EDEM3: variants seen among roughly 807,000 people sequenced by gnomAD.
The protein encoded by EDEM3 is ER degradation-enhancing alpha-mannosidase-like protein 3.
A neutral mutation model predicts 110.2 loss-of-function variants in EDEM3; 60 were observed. That is an observed-to-expected ratio of 0.54 (90% CI 0.44 to 0.67). The LOEUF is 0.67. Ranked by LOEUF, EDEM3 falls within the 30% of genes least tolerant of loss-of-function variation. The probability of loss-of-function intolerance (pLI) is 0.00; values close to 1 mark genes in which losing one functional copy is unlikely to be tolerated. For missense variants in EDEM3, 996 were observed against 1,121.0 expected (o/e 0.89, Z 1.59); for synonymous variants, 352 against 382.9 (o/e 0.92, Z 0.94).
At chr1:184,727,204 C>A (rs1651238826) in intron 6 of EDEM3, among the ~76,000 whole-genome samples, 1 of 152,190 alleles carries the variant, frequency 6.6e-6, no homozygotes, top group Non-Finnish European at 1.5e-5. Flanking sequence ...AGGCACGAAT[C>A]TCTTGAACTT....
At chr1:184,736,921 A>C in intron 4 of EDEM3, 104 bp downstream of exon 4, 2 of 920,190 alleles carry the variant, frequency 2.2e-6, no homozygotes, top group South Asian at 3.1e-5. Context: ...GAACATCTTT[A>C]ATTCTGAAGG....
intron 13 of EDEM3, among the ~76,000 whole-genome samples, chr1:184,714,978 C>T (rs1373983501): frequency 6.6e-6 from 1 of 152,104 alleles, no homozygotes; most frequent in Non-Finnish European, 1.5e-5. Context: ...AATGGTAGTT[C>T]TTAACCTTTC....
chr1:184,702,128 T>G (rs1649661224), intron 19 of EDEM3, among the ~76,000 whole-genome samples: 1 of 152,210 alleles, frequency 6.6e-6, no homozygotes, highest in Non-Finnish European at 1.5e-5. Context: ...CCTCTATCCC[T>G]GGGTGTGAAA....
Position 184,737,666 on chromosome 1 carries a change from C to T in EDEM3, c.250G>A (p.Gly84Ser). The change falls in exon 3 of 20, where the codon GGT becomes AGT. Residue 84 changes from glycine (G) to serine (S), a missense_variant. This residue lies in a region of EDEM3 where 200 missense variants were observed against 183.8 expected (regional missense o/e 1.09). Transcript: ENST00000318130. ...ADELMPLTCRGRVRGQEPSRG... is the reference protein window; with the variant it reads ...ADELMPLTCRSRVRGQEPSRG... The stretch of plus-strand genomic sequence containing the variant: ...CTTGGCTCTTGGCCTCTAACTCGAC[C>T]TCTACAGGTTAAAGGCATGAGTTCA... The T allele has an allele frequency of 6.2e-7, 1 of 1,614,032 alleles. No individual in the cohort carries two copies. The highest frequency in any genetic ancestry group is 8.5e-7 in the Non-Finnish European group (1 of 1,179,936).
intron 9 of EDEM3, 150 bp from the exon 10 acceptor site, chr1:184,719,718 T>G: frequency 1.3e-6 from 1 of 799,302 alleles, no homozygotes; most frequent in Non-Finnish European, 1.8e-6. Context: ...TTAAGTTATT[T>G]TAGATGGAGA....
chr1:184,723,065 G>A (rs1430557179), intron 8 of EDEM3, among the ~76,000 whole-genome samples: 2 of 151,870 alleles, frequency 1.3e-5, no homozygotes, highest in African/African-American at 4.8e-5. Context: ...ATAATTGCAT[G>A]GGAACATCTT....
intron 9 of EDEM3, 44 bp from the exon 10 acceptor site, chr1:184,719,612 GA>G: frequency 3.7e-6 from 6 of 1,606,994 alleles, no homozygotes; most frequent in Non-Finnish European, 4.2e-6. Flanking sequence ...GATGAAAAAA[GA>G]GGTACTACTC....
Position 184,712,623 on chromosome 1 carries a change from T to C in EDEM3, c.1371-25A>G, listed in dbSNP as rs553417654. 4 of 1,426,106 alleles carry C rather than the reference T, an allele frequency of 2.8e-6. No individual in the cohort carries two copies. The South Asian group carries it at 5.3e-5, about 19-fold the overall frequency. The allele number at this position is 1,426,106 out of a possible 1,614,324, so 88.3% of individuals were successfully genotyped here. On this transcript the variant is annotated intron_variant, in intron 13 of 19. Transcript: ENST00000318130. ...TCTAAAATAAAAAGTCACAAATAAA[T>C]ATAAGTAGATAAAAATAATTTAAAT...
chr1:184,736,559 A>G (rs1651834611), intron 4 of EDEM3, among the ~76,000 whole-genome samples: 1 of 152,144 alleles, frequency 6.6e-6, no homozygotes, highest in South Asian at 2.1e-4. Context: ...TCTGTACTAT[A>G]TGAGGTTGAA....
chr1:184,754,498 T>C lies in EDEM3; in HGVS notation c.149A>G (p.Gln50Arg). The C allele has an allele frequency of 6.2e-7, 1 of 1,612,434 alleles. No homozygotes were observed. The highest frequency in any genetic ancestry group is 8.5e-7 in the Non-Finnish European group (1 of 1,179,620). ...GAEPMSREEK[Q>R]KLGNQVLEMF... ...CTGCCAGCACCCTTACCCAAGCTTC[T>C]GTTTCTCCTCCCTACTCATGGGCTC... Residue 50 changes from glutamine (Q) to arginine (R), a missense_variant, in exon 1 of 20, where the codon CAG (glutamine) becomes CGG (arginine). Physicochemically the swap from Gln to Arg is conservative, Grantham distance 43. Around this residue, in one of 5 missense-constraint regions of EDEM3, gnomAD observed 200 missense variants for 183.8 expected, o/e 1.09. Coordinates refer to ENST00000318130, the MANE Select transcript of EDEM3 (RefSeq NM_025191.4).
chr1:184,726,274 G>A lies in EDEM3; in HGVS notation c.728C>T (p.Thr243Ile), dbSNP rs1651186744. ...GCAAACCTCAAATATTGTTGCTCCT[G>A]TGAATCGACTTAAAGCAGCAAATTC... The part of the protein sequence containing the change: ...ILEFAALSRF[T>I]GATIFEEYAR... Residue 243 changes from threonine to isoleucine, a missense_variant, in exon 7 of 20, where the codon ACA becomes ATA. Thr to Ile is a moderately conservative substitution (Grantham distance 89). This residue lies in a region of EDEM3 where 310 missense variants were observed against 394.6 expected (regional missense o/e 0.79). Transcript: ENST00000318130. 1 of 1,613,612 alleles carries A rather than the reference G, an allele frequency of 6.2e-7. No individual in the cohort carries two copies. Among genetic ancestry groups the A allele is most frequent in the South Asian group, 1.1e-5 (1 of 91,020 alleles).
chr1:184,710,076 G>A (rs915349655), intron 16 of EDEM3, among the ~76,000 whole-genome samples: 1 of 152,106 alleles, frequency 6.6e-6, no homozygotes, highest in African/African-American at 2.4e-5. Context: ...AGTTTTTGAA[G>A]TTATGTTGTA....
intron 6 of EDEM3, among the ~76,000 whole-genome samples, chr1:184,728,151 T>C (rs1016372786): frequency 2.0e-5 from 3 of 152,206 alleles, no homozygotes; most frequent in African/African-American, 7.2e-5. Flanking sequence ...GAATAGATCC[T>C]TGTCCTCAAG....
intron 9 of EDEM3, among the ~76,000 whole-genome samples, chr1:184,720,062 T>A (rs190559796): frequency 4.1e-4 from 63 of 152,346 alleles, no homozygotes; most frequent in African/African-American, 1.3e-3. Context: ...CTCAGCTTAT[T>A]ATGGTCTTAG....
chr1:184,737,811 C>A, intron 2 of EDEM3, 100 bp from the exon 3 acceptor site: 1 of 994,540 alleles, frequency 1.0e-6, no homozygotes, highest in Non-Finnish European at 1.5e-6. Flanking sequence ...AAATAATAGT[C>A]AAAAGTTGTA....
chr1:184,695,149 G>A (rs1403232980), intron 19 of EDEM3, among the ~76,000 whole-genome samples: 3 of 152,006 alleles, frequency 2.0e-5, no homozygotes, highest in South Asian at 2.1e-4. Context: ...AGTGAAACCA[G>A]TAGAGGCATT....
chr1:184,727,945 A>G (rs1332968808), intron 6 of EDEM3, among the ~76,000 whole-genome samples: 2 of 152,238 alleles, frequency 1.3e-5, no homozygotes, highest in Non-Finnish European at 2.9e-5. Context: ...CCTAAAATGA[A>G]GCAATCCTTA....
rs1398808921 is a variant in EDEM3 at position 184,690,998 on chromosome 1, A to G, written c.*3065T>C. ...CTATAAAAAAGGTTGTGTGATGGTA[A>G]TTTAAATTTTAAAAGCTTCTTGAGA... On this transcript the variant is annotated 3_prime_UTR_variant, in exon 20 of 20. Coordinates refer to ENST00000318130, the MANE Select transcript of EDEM3 (RefSeq NM_025191.4). 1 of 152,486 alleles carries G rather than the reference A, an allele frequency of 6.6e-6. No homozygotes were observed. The highest frequency in any genetic ancestry group is 2.4e-5 in the African/African-American group (1 of 41,438). 9.4% of individuals were successfully genotyped at this position (152,486 alleles called of 1,614,324 possible).
intron 2 of EDEM3, among the ~76,000 whole-genome samples, chr1:184,743,147 TTG>T (rs1652234431): frequency 1.3e-5 from 2 of 152,166 alleles, no homozygotes; most frequent in African/African-American, 4.8e-5. Context: ...TAAAAATACT[TTG>T]TCTCTTTGTT....
Sources: gnomAD v4.1 joint callset for allele counts (sites outside exome capture counted in the v4.1 genomes callset) on GRCh38, gnomAD v4.1.1 for gene constraint, gnomAD v4.1.1 regional missense constraint, MANE v1.5 for transcripts, NCBI Gene and HGNC (gene_info 2026-07-23, HGNC 2026-07-21) for gene names.